The following SHPK variants were observed in gnomAD, a reference collection of about 807,000 sequenced individuals.
The protein encoded by SHPK is carbohydrate kinase-like protein.
SHPK carries 51 observed loss-of-function variants against 46.3 expected under a neutral mutation model. The observed-to-expected ratio is 1.10, with a 90% CI of 0.88 to 1.39. SHPK has a LOEUF of 1.39. Among genes scored for constraint, SHPK ranks in the 40% most tolerant of loss-of-function variants. The pLI is 0.00. For synonymous variants in SHPK, 290 were observed against 273.9 expected, an observed-to-expected ratio of 1.06 and a Z score of -0.58; for missense variants, 668 against 641.3, an observed-to-expected ratio of 1.04 and a Z score of -0.45.
At position 3,632,591 on chromosome 17, in the gene SHPK, C is replaced by T. The variant is rs373085794; in HGVS notation, c.169-2245G>A. The stretch of plus-strand genomic sequence containing the variant: ...CAGCAGTTAGAAACAGTTTTAGGGG[C>T]GGGTGTGATTGGGGAGTAGCTCTTG... On this transcript the variant is annotated intron_variant, in intron 1 of 6. Transcript: ENST00000225519. Among the ~76,000 whole-genome samples, 139 of 152,154 alleles carry T rather than the reference C, an allele frequency of 9.1e-4. 7 individuals are homozygous for T. The South Asian group carries it at 0.023, about 25-fold the overall frequency.
intron 1 of SHPK, among the ~76,000 whole-genome samples, chr17:3,631,511 G>GTTTTT (rs2075471589): frequency 2.6e-4 from 10 of 38,260 alleles, no homozygotes; most frequent in Admixed American, 3.9e-4. Context: ...CTAATTTAAT[G>GTTTTT]CTTTTTTTTT....
chr17:3,615,332 C>G lies in SHPK; in HGVS notation c.1024+5G>C. ...GAACACAGCGCTGTGTGGGCCACAC[C>G]TTACCTAGATCTGCCATCCACTGAA... On this transcript the variant is annotated splice_donor_5th_base_variant and intron_variant, in intron 6 of 6. Coordinates refer to ENST00000225519, the MANE Select transcript of SHPK (RefSeq NM_013276.4). 6.2e-7 allele frequency: 1 copy of G among 1,614,040 alleles called. No individual in the cohort carries two copies. Among genetic ancestry groups the G allele is most frequent in the Non-Finnish European group, 8.5e-7 (1 of 1,179,890 alleles).
At chr17:3,624,787 G>A (rs991660832) in intron 2 of SHPK, among the ~76,000 whole-genome samples, 1 of 152,046 alleles carries the variant, frequency 6.6e-6, no homozygotes, top group African/African-American at 2.4e-5. Flanking sequence ...CCGAGTAGCT[G>A]AGACTACAGG....
intron 6 of SHPK, among the ~76,000 whole-genome samples, chr17:3,614,780 G>A (rs1392930729): frequency 6.6e-6 from 1 of 151,452 alleles, no homozygotes; most frequent in Non-Finnish European, 1.5e-5. Context: ...CCTGGGAGGC[G>A]GAGTTTGCAG....
intron 5 of SHPK, among the ~76,000 whole-genome samples, chr17:3,617,549 A>G (rs548012125): frequency 6.6e-6 from 1 of 152,294 alleles, no homozygotes; most frequent in South Asian, 2.1e-4. Flanking sequence ...GTTTACTTAA[A>G]TTCAGGGAGT....
chr17:3,630,629 T>A (rs1407147909), intron 1 of SHPK, among the ~76,000 whole-genome samples: 1 of 152,024 alleles, frequency 6.6e-6, no homozygotes, highest in Non-Finnish European at 1.5e-5. Flanking sequence ...GAGGCCAAGG[T>A]GGGTGGATCA....
In SHPK at chr17:3,630,227, G is replaced by A. The variant is rs375474312; in HGVS notation, c.288C>T (p.Val96=). The change falls in exon 2 of 7, where the codon GTC becomes GTT. Residue 96 remains valine, a synonymous_variant. Transcript: ENST00000225519. ...TACCTTGGCCTGTTTTCCAAAACAC[G>A]ACTCCATGCATCTGGCCCGACACCC... ...GIGVSGQMHG[V]VFWKTGQGCE... 6.8e-6 allele frequency: 11 copies of A among 1,613,876 alleles called. No homozygotes were observed. Among genetic ancestry groups the A allele is most frequent in the East Asian group, 2.2e-5 (1 of 44,888 alleles).
At position 3,610,277 on chromosome 17, in the gene SHPK, G is replaced by C. The variant is rs1475108304; in HGVS notation, c.*283C>G. ...ATGAGCCTGCTGACCAGCAGGCTGG[G>C]CTACTGTGCTCTCATGCTCTCTCTC... On this transcript the variant is annotated 3_prime_UTR_variant, in exon 7 of 7. Transcript: ENST00000225519. 1 of 375,054 alleles carries C rather than the reference G, an allele frequency of 2.7e-6. No individual in the cohort carries two copies. Among genetic ancestry groups the C allele is most frequent in the East Asian group, 4.6e-5 (1 of 21,746 alleles). The allele number at this position is 375,054 out of a possible 1,614,324, so 23.2% of individuals were successfully genotyped here.
chr17:3,620,518 G>A (rs1386114334), intron 5 of SHPK, among the ~76,000 whole-genome samples: 9 of 151,486 alleles, frequency 5.9e-5, no homozygotes, highest in South Asian at 2.1e-4. Flanking sequence ...CACCTGCCTT[G>A]GCCTCCCAAA....
Position 3,623,380 on chromosome 17 carries a change from C to A in SHPK, c.606G>T (p.Trp202Cys). ...PLMSDQNAAS[W>C]GYFNTQSQSW... ...TTTGGCTCTGCGTGTTGAAATAGCCCCAGCTGGCAGCATTCTGGTCGGACA... is the reference window on the plus strand; with the variant it reads ...TTTGGCTCTGCGTGTTGAAATAGCCACAGCTGGCAGCATTCTGGTCGGACA... Residue 202 changes from tryptophan (W) to cysteine (C), a missense_variant, in exon 4 of 7, where the codon TGG becomes TGT. By Grantham distance (215) the Trp-to-Cys change is radical. Transcript: ENST00000225519. 6.2e-7 allele frequency: 1 copy of A among 1,614,188 alleles called. No individual in the cohort carries two copies. The highest frequency in any genetic ancestry group is 8.5e-7 in the Non-Finnish European group (1 of 1,180,024).
chr17:3,635,996 G>C (rs2075521431), intron 1 of SHPK, 56 bp downstream of exon 1: 11 of 1,473,816 alleles, frequency 7.5e-6, no homozygotes, highest in Non-Finnish European at 9.9e-6. Flanking sequence ...TCCTGGGGTG[G>C]AAAAGGGTGG....
intron 5 of SHPK, among the ~76,000 whole-genome samples, chr17:3,620,854 C>T (rs2075396316): frequency 6.6e-6 from 1 of 152,232 alleles, no homozygotes; most frequent in African/African-American, 2.4e-5. Flanking sequence ...CCACCGCGCC[C>T]AGCCTATCCT....
At chr17:3,621,209 C>G in intron 5 of SHPK, 28 bp downstream of exon 5, 1 of 1,563,712 alleles carries the variant, frequency 6.4e-7, no homozygotes, top group Non-Finnish European at 8.7e-7. Flanking sequence ...CAGTGTAAGT[C>G]TGAGGACAGA....
At chr17:3,626,920 T>C (rs1251777557) in intron 2 of SHPK, among the ~76,000 whole-genome samples, 1 of 151,906 alleles carries the variant, frequency 6.6e-6, no homozygotes, top group South Asian at 2.1e-4. Flanking sequence ...ATAAAAAAAA[T>C]ACCAGTTTTC....
chr17:3,623,613 T>C, intron 3 of SHPK, 122 bp from the exon 4 acceptor site: 2 of 958,724 alleles, frequency 2.1e-6, no homozygotes, highest in South Asian at 1.4e-5. Flanking sequence ...CAACCGCATA[T>C]ACTATGGCTC....
chr17:3,618,197 C>T (rs1202746020), intron 5 of SHPK, among the ~76,000 whole-genome samples: 2 of 152,072 alleles, frequency 1.3e-5, no homozygotes, highest in African/African-American at 4.8e-5. Context: ...ACTTCTGCCT[C>T]CTGGATTCAA....
chr17:3,632,145 C>T (rs1450978557), intron 1 of SHPK, among the ~76,000 whole-genome samples: 2 of 151,858 alleles, frequency 1.3e-5, no homozygotes, highest in Non-Finnish European at 2.9e-5. Context: ...TTAGTAGAGA[C>T]GGGGTTTCAC....
At chr17:3,630,828 C>T (rs978316250) in intron 1 of SHPK, among the ~76,000 whole-genome samples, 1 of 152,182 alleles carries the variant, frequency 6.6e-6, no homozygotes, top group Admixed American at 6.5e-5. Context: ...CACGCCACGG[C>T]ACTCCAGCCT....
chr17:3,626,563 GA>G (rs905178410), intron 2 of SHPK, among the ~76,000 whole-genome samples: 1 of 150,098 alleles, frequency 6.7e-6, no homozygotes, highest in Non-Finnish European at 1.5e-5. Flanking sequence ...TAAAAATACC[GA>G]AAAAAAAATT....
Sources: gnomAD v4.1 joint callset for allele counts (sites outside exome capture counted in the v4.1 genomes callset) on GRCh38, gnomAD v4.1.1 for gene constraint, MANE v1.5 for transcripts, NCBI Gene and HGNC (gene_info 2026-07-23, HGNC 2026-07-21) for gene names.